SSC4D: variants seen among roughly 807,000 people sequenced by gnomAD.
SSC4D encodes scavenger receptor cysteine rich family member with 4 domains.
SSC4D carries 57 observed loss-of-function variants against 63.4 expected under a neutral mutation model. The observed-to-expected ratio is 0.90, with a 90% confidence interval of 0.73 to 1.12. The LOEUF is 1.12. Ranked by LOEUF, SSC4D falls within the 50% of genes most tolerant of loss-of-function variation. The pLI is 0.00. For synonymous variants in SSC4D, 352 were observed against 345.4 expected, an observed-to-expected ratio of 1.02 and a Z score of -0.21; for missense variants, 791 against 806.4, an observed-to-expected ratio of 0.98 and a Z score of 0.23.
chr7:76,398,236 A>G (rs746902568), intron 5 of SSC4D, among the ~76,000 whole-genome samples: 69 of 151,194 alleles, frequency 4.6e-4, no homozygotes, highest in Non-Finnish European at 6.8e-4. Flanking sequence ...TCTTCTAGTC[A>G]TGATCATCAT....
rs528895836 is a variant in SSC4D, at chr7:76,394,740, G to A, written c.946+513C>T. 8.3e-4 allele frequency among the ~76,000 whole-genome samples: 92 copies of A among 110,654 alleles called. 1 individual carries two copies. Among genetic ancestry groups the A allele is most frequent in the African/African-American group, 3.5e-3 (91 of 25,698 alleles). 72.6% of individuals were successfully genotyped at this position (110,654 alleles called of 152,430 possible). On this transcript the variant is annotated intron_variant, in intron 7 of 10. Coordinates refer to ENST00000275560, the MANE Select transcript of SSC4D (RefSeq NM_080744.2). ...ACTATGCCTGGCAATTTAAATATAT[G>A]TATGTATAATATATATATATATATA...
chr7:76,407,338 C>CTTT (rs71882894), intron 1 of SSC4D, among the ~76,000 whole-genome samples: 56 of 146,850 alleles, frequency 3.8e-4, no homozygotes, highest in Middle Eastern at 7.2e-3. Context: ...GGGAGGATCT[C>CTTT]TTTTTTTTTT....
chr7:76,398,929 G>A (rs1255566286), intron 4 of SSC4D, 132 bp from the exon 5 acceptor site: 4 of 852,232 alleles, frequency 4.7e-6, no homozygotes, highest in Non-Finnish European at 7.5e-6. Flanking sequence ...AAGAGTCACA[G>A]CCAGGAACAC....
intron 1 of SSC4D, among the ~76,000 whole-genome samples, chr7:76,405,883 TTTCC>T (rs1805008983): frequency 6.6e-6 from 1 of 152,078 alleles, no homozygotes; most frequent in African/African-American, 2.4e-5. Flanking sequence ...GTTTTCTTTC[TTTCC>T]TTCCTTCCTT....
intron 2 of SSC4D, among the ~76,000 whole-genome samples, chr7:76,401,407 G>A (rs1234939029): frequency 2.0e-5 from 3 of 147,390 alleles, no homozygotes; most frequent in South Asian, 2.2e-4. Flanking sequence ...GACCAGCCTC[G>A]CCTTTTTTCT....
chr7:76,392,914 G>A (rs1332431470), intron 9 of SSC4D, among the ~76,000 whole-genome samples: 1 of 152,186 alleles, frequency 6.6e-6, no homozygotes, highest in Admixed American at 6.5e-5. Context: ...AAATGAGGGT[G>A]AAGATATCAA....
intron 10 of SSC4D, 127 bp from the exon 11 acceptor site, chr7:76,390,502 G>A: frequency 1.2e-6 from 1 of 827,422 alleles, no homozygotes; most frequent in Non-Finnish European, 1.8e-6. Context: ...GCTAGATGAA[G>A]GCAGACACAT....
intron 2 of SSC4D, among the ~76,000 whole-genome samples, chr7:76,402,324 C>T (rs569286712): frequency 2.6e-5 from 4 of 151,852 alleles, no homozygotes; most frequent in East Asian, 1.9e-4. Context: ...GGACTGCAGG[C>T]GCACACCGCC....
intron 6 of SSC4D, 84 bp downstream of exon 6, chr7:76,397,434 C>A (rs1195985619): frequency 5.6e-6 from 8 of 1,415,960 alleles, no homozygotes; most frequent in Non-Finnish European, 7.4e-6. Context: ...CCATCCACCT[C>A]CCCACCGAAG....
chr7:76,397,979 TG>T lies in SSC4D; in HGVS notation c.554-148del. On this transcript the variant is annotated intron_variant, in intron 5 of 10. Coordinates refer to ENST00000275560, the MANE Select transcript of SSC4D (RefSeq NM_080744.2). ...AGGGTACCGCCTCCTTGGTCCAGAC[TG>T]GGGGTAGCTTGTGGGATCATAGTAT... 5 of 821,870 alleles carry T rather than the reference TG, an allele frequency of 6.1e-6. No individual in the cohort carries two copies. In the South Asian group the frequency reaches 9.3e-5, roughly 15 times the overall value. 50.9% of individuals were successfully genotyped at this position (821,870 alleles called of 1,614,324 possible). A position where few individuals can be genotyped will look rare whatever the true frequency, so the allele number is the denominator to read the frequency against.
Position 76,394,408 on chromosome 7 carries a change from ATT to A in SSC4D, c.947-506_947-505del, listed in dbSNP as rs56223813. ...TGGTGCGACCCACCATGCCCAGCTAATTTTTTTTTTTTTTTTTTGATACAGAG... is the reference window on the plus strand; with the variant it reads ...TGGTGCGACCCACCATGCCCAGCTAATTTTTTTTTTTTTTTTGATACAGAG... On this transcript the variant is annotated intron_variant, in intron 7 of 10. Coordinates refer to ENST00000275560, the MANE Select transcript of SSC4D (RefSeq NM_080744.2). Among the ~76,000 whole-genome samples the A allele has an allele frequency of 1.1e-3, 145 of 134,234 alleles. 1 individual carries two copies. The highest frequency in any genetic ancestry group is 1.3e-3 in the African/African-American group (47 of 35,888). The allele number at this position is 134,234 out of a possible 152,430, so 88.1% of individuals were successfully genotyped here.
At position 76,395,291 on chromosome 7, in the gene SSC4D, G is replaced by A. The variant is rs200977996; in HGVS notation, c.908C>T (p.Ala303Val). The A allele has an allele frequency of 6.6e-5, 106 of 1,613,808 alleles. No individual in the cohort carries two copies. Among genetic ancestry groups the A allele is most frequent in the Non-Finnish European group, 8.1e-5 (96 of 1,180,040 alleles). The change falls in exon 7 of 11, where the codon GCC becomes GTC. Residue 303 changes from alanine (A) to valine (V), a missense_variant. Transcript: ENST00000275560. ...CTGCCAAGCCCAGTCCTCTCTTGTG[G>A]CTGAGGATGGCAGTGCTGTGAGCGT... The part of the protein sequence containing the change: ...PPTLTALPSS[A>V]TREDWAWQTD...
At chr7:76,392,113 C>T in intron 9 of SSC4D, 72 bp from the exon 10 acceptor site, 2 of 1,451,690 alleles carry the variant, frequency 1.4e-6, no homozygotes, top group Non-Finnish European at 1.9e-6. Flanking sequence ...GCCAGGTCCC[C>T]TCCTGCTCTC....
chr7:76,402,858 G>C (rs931561766), intron 2 of SSC4D, among the ~76,000 whole-genome samples: 5 of 151,882 alleles, frequency 3.3e-5, no homozygotes, highest in African/African-American at 1.2e-4. Context: ...GTAGAGATGG[G>C]GTTTCTGCAT....
At chr7:76,407,669 G>C (rs540261111) in intron 1 of SSC4D, among the ~76,000 whole-genome samples, 69 of 152,208 alleles carry the variant, frequency 4.5e-4, no homozygotes, top group African/African-American at 1.6e-3. Context: ...GGAGTTCAAG[G>C]CTGCAGTTAG....
At position 76,397,684 on chromosome 7, in the gene SSC4D, CGCCCCGCA is replaced by C; in HGVS notation, c.694_701del (p.Cys232GlyfsTer138). 1 of 1,613,336 alleles carries C rather than the reference CGCCCCGCA, an allele frequency of 6.2e-7. No individual in the cohort carries two copies. Among genetic ancestry groups the C allele is most frequent in the East Asian group, 2.2e-5 (1 of 44,868 alleles). ...AGGCGTTGGTGGTGGCGGCCATGGC[CGCCCCGCA>C]GCCCAGCTGACGACAGACCACAGCG... On this transcript the variant is annotated frameshift_variant, in exon 6 of 11. Transcript: ENST00000275560. LOFTEE classifies it high-confidence loss of function.
intron 2 of SSC4D, among the ~76,000 whole-genome samples, chr7:76,401,830 G>T (rs1011878450): frequency 6.6e-6 from 1 of 152,148 alleles, no homozygotes; most frequent in Non-Finnish European, 1.5e-5. Flanking sequence ...ACATACCCAG[G>T]CCTCTTTCAG....
intron 2 of SSC4D, among the ~76,000 whole-genome samples, chr7:76,402,152 T>G (rs1804851975): frequency 6.7e-6 from 1 of 149,908 alleles, no homozygotes; most frequent in African/African-American, 2.4e-5. Flanking sequence ...CCAGAATAGC[T>G]GGGACAAGCT....
At chr7:76,407,119 C>T (rs984366103) in intron 1 of SSC4D, among the ~76,000 whole-genome samples, 1 of 152,074 alleles carries the variant, frequency 6.6e-6, no homozygotes, top group South Asian at 2.1e-4. Context: ...TGCCACCATA[C>T]TCGGCTAATT....
Sources: gnomAD v4.1 joint callset for allele counts (sites outside exome capture counted in the v4.1 genomes callset) on GRCh38, gnomAD v4.1.1 for gene constraint, MANE v1.5 for transcripts, NCBI Gene and HGNC (gene_info 2026-07-23, HGNC 2026-07-21) for gene names.